KCNG1: variants seen among roughly 807,000 people sequenced by gnomAD.
KCNG1 encodes potassium voltage-gated channel modifier subfamily G member 1, also known as voltage-gated potassium channel regulatory subunit KCNG1.
A neutral mutation model predicts 32.4 loss-of-function variants in KCNG1; 17 were observed. The ratio of observed to expected loss-of-function variants is 0.52; its 90% CI spans 0.36 to 0.79. The LOEUF (loss-of-function observed/expected upper bound fraction) is 0.79, where lower values mean the gene tolerates loss of function less well. KCNG1 is among the 30% of genes least tolerant of loss of function. The probability of loss-of-function intolerance (pLI) is 0.00; values close to 1 mark genes in which losing one functional copy is unlikely to be tolerated. For missense variants in KCNG1, 441 were observed against 735.2 expected (o/e 0.60, Z 4.63); for synonymous variants, 358 against 339.9 (o/e 1.05, Z -0.59).
chr20:51,004,636 C>T lies in KCNG1; in HGVS notation c.945G>A (p.Thr315=). Residue 315 remains threonine (T), a synonymous_variant, in exon 3 of 3, where the codon ACG becomes ACA. Transcript: ENST00000371571. This position sits in a 1 kb window ranked among gnomAD's most constrained non-coding sequence, Gnocchi z 4.3. ...DLVAILPYYI[T]LLVDGAAAGR... ...CTGCGGCGGCGCCGTCCACCAGCAGCGTGATGTAGTAGGGCAGGATGGCCA... is the reference window on the plus strand; with the variant it reads ...CTGCGGCGGCGCCGTCCACCAGCAGTGTGATGTAGTAGGGCAGGATGGCCA... The T allele has an allele frequency of 6.3e-7, 1 of 1,598,142 alleles. No individual in the cohort carries two copies.
Position 51,004,886 on chromosome 20 carries a change from G to C in KCNG1, c.775-80C>G. 7.2e-7 allele frequency: 1 copy of C among 1,387,002 alleles called. No homozygotes were observed. Among genetic ancestry groups the C allele is most frequent in the East Asian group, 2.5e-5 (1 of 39,448 alleles). 85.9% of individuals were successfully genotyped at this position (1,387,002 alleles called of 1,614,324 possible). On this transcript the variant is annotated intron_variant, in intron 2 of 2. Transcript: ENST00000371571. This position sits in a 1 kb window ranked among gnomAD's most constrained non-coding sequence, Gnocchi z 4.3. ...GGGCAGAAGCTCTGCCCTGTGCCCT[G>C]CTGGGCTTCCCAGGCGGAAGGTGAC... is the stretch of plus-strand genomic sequence containing the variant.
chr20:51,005,057 T>G lies in KCNG1; in HGVS notation c.775-251A>C. ...CCTGAACTCCAGACCCCCAACAGGC[T>G]GCCTCCCTGACGCTCCCACCTGGGT... On this transcript the variant is annotated intron_variant, in intron 2 of 2. Coordinates refer to ENST00000371571, the MANE Select transcript of KCNG1 (RefSeq NM_002237.4). This position sits in a 1 kb window ranked among gnomAD's most constrained non-coding sequence, Gnocchi z 4.0. The G allele has an allele frequency of 2.5e-6, 1 of 393,222 alleles. No homozygotes were observed. The highest frequency in any genetic ancestry group is 4.1e-5 in the East Asian group (1 of 24,364). 24.4% of individuals were successfully genotyped at this position (393,222 alleles called of 1,614,324 possible).
chr20:51,015,584 C>T lies in KCNG1; in HGVS notation c.-26-5220G>A, dbSNP rs1601104330. ...GGGGGCCTCACCTGTGCCCTGTGCC[C>T]GGTAGCCACTGAAGCTGCATCACAT... On this transcript the variant is annotated intron_variant, in intron 1 of 2. Coordinates refer to ENST00000371571, the MANE Select transcript of KCNG1 (RefSeq NM_002237.4). The surrounding 1 kb of genome is among the most constrained non-coding windows in gnomAD (Gnocchi z 4.4). 1.3e-5 allele frequency among the ~76,000 whole-genome samples: 2 copies of T among 152,138 alleles called. No homozygotes were observed. Among genetic ancestry groups the T allele is most frequent in the South Asian group, 2.1e-4 (1 of 4,826 alleles).
intron 1 of KCNG1, among the ~76,000 whole-genome samples, chr20:51,021,765 T>C (rs1190835159): frequency 1.3e-5 from 2 of 152,136 alleles, no homozygotes; most frequent in East Asian, 3.9e-4. Context: ...CTTAAGAAAA[T>C]GCCTGCTGAA....
chr20:51,010,579 A>T (rs1370224685), intron 1 of KCNG1, among the ~76,000 whole-genome samples: 4 of 152,178 alleles, frequency 2.6e-5, no homozygotes, highest in African/African-American at 9.7e-5. Context: ...CGCCCCCACG[A>T]TGGGATTCGT....
chr20:51,018,735 A>G lies in KCNG1; in HGVS notation c.-27+4135T>C, dbSNP rs1487624682. ...AATACCCCCATTTTACAAATGAAGAAACTGAGGCTCTGAGAAGTGAAAACT... is the reference window on the plus strand; with the variant it reads ...AATACCCCCATTTTACAAATGAAGAGACTGAGGCTCTGAGAAGTGAAAACT... On this transcript the variant is annotated intron_variant, in intron 1 of 2. Coordinates refer to ENST00000371571, the MANE Select transcript of KCNG1 (RefSeq NM_002237.4). Among the ~76,000 whole-genome samples the G allele has an allele frequency of 5.3e-5, 8 of 152,308 alleles. No homozygotes were observed. The East Asian group carries it at 1.5e-3, about 29-fold the overall frequency.
Position 51,004,487 on chromosome 20 carries a change from G to A in KCNG1, c.1094C>T (p.Thr365Met), listed in dbSNP as rs1407070161. The change falls in exon 3 of 3, where the codon ACG becomes ATG. Residue 365 changes from threonine to methionine, a missense_variant. By Grantham distance (81) the Thr-to-Met change is moderately conservative (BLOSUM62 -1). Coordinates refer to ENST00000371571, the MANE Select transcript of KCNG1 (RefSeq NM_002237.4). This position sits in a 1 kb window ranked among gnomAD's most constrained non-coding sequence, Gnocchi z 4.3. Reference sequence around the variant, plus strand: ...GCAGCGGCGGGCCGTGAGCCCCAGCGTCTGCAGCCCCAGGGAGTGGCGCGC... The same window carrying A: ...GCAGCGGCGGGCCGTGAGCCCCAGCATCTGCAGCCCCAGGGAGTGGCGCGC... The part of the protein sequence containing the change: ...RLARHSLGLQ[T>M]LGLTARRCTR... 6.3e-7 allele frequency: 1 copy of A among 1,596,918 alleles called. No individual in the cohort carries two copies. Among genetic ancestry groups the A allele is most frequent in the Non-Finnish European group, 8.5e-7 (1 of 1,172,422 alleles).
chr20:51,015,284 G>T lies in KCNG1; in HGVS notation c.-26-4920C>A, dbSNP rs1455141556. ...AAAGAGAAGAATCAGGATTCCAGGG[G>T]TGCCATTTACCGAGGCGACGGATAG... On this transcript the variant is annotated intron_variant, in intron 1 of 2. Transcript: ENST00000371571. This position sits in a 1 kb window ranked among gnomAD's most constrained non-coding sequence, Gnocchi z 4.4. 1.3e-5 allele frequency among the ~76,000 whole-genome samples: 2 copies of T among 152,174 alleles called. No individual in the cohort carries two copies. The highest frequency in any genetic ancestry group is 4.8e-5 in the African/African-American group (2 of 41,432).
At position 51,004,233 on chromosome 20, in the gene KCNG1, G is replaced by A. The variant is rs2123200713; in HGVS notation, c.1348C>T (p.Leu450=). ...GAGGTGACTGGGAAGGCCATGAGCAGGATGCCGCTCAGGATGCTGCTCAGG... is the reference window on the plus strand; with the variant it reads ...GAGGTGACTGGGAAGGCCATGAGCAAGATGCCGCTCAGGATGCTGCTCAGG... ...VALSSILSGI[L]LMAFPVTSIF... Residue 450 remains leucine (L), a synonymous_variant, in exon 3 of 3, where the codon CTG becomes TTG. Coordinates refer to ENST00000371571, the MANE Select transcript of KCNG1 (RefSeq NM_002237.4). This position sits in a 1 kb window ranked among gnomAD's most constrained non-coding sequence, Gnocchi z 4.3. 3 of 1,614,128 alleles carry A rather than the reference G, an allele frequency of 1.9e-6. No individual in the cohort carries two copies. In the East Asian group the frequency reaches 6.7e-5, roughly 36 times the overall value.
chr20:51,017,813 C>A (rs552309769), intron 1 of KCNG1, among the ~76,000 whole-genome samples: 1 of 152,130 alleles, frequency 6.6e-6, no homozygotes, highest in Non-Finnish European at 1.5e-5. Flanking sequence ...CCCTGCCCAA[C>A]GTGTCAATCT....
chr20:51,007,492 TG>T (rs1987876726), intron 2 of KCNG1, among the ~76,000 whole-genome samples: 1 of 152,050 alleles, frequency 6.6e-6, no homozygotes, highest in Admixed American at 6.6e-5. Context: ...GGCCTAAAAT[TG>T]TTTTTTTTAA....
intron 1 of KCNG1, 90 bp from the exon 2 acceptor site, chr20:51,010,454 G>T: frequency 1.1e-6 from 1 of 917,874 alleles, no homozygotes; most frequent in Non-Finnish European, 1.6e-6. Flanking sequence ...CACTGTTAGG[G>T]ATGGAATCTT....
In KCNG1 at chr20:51,004,859, G is replaced by A. The variant is rs1323085475; in HGVS notation, c.775-53C>T. ...GGGGTCAGCGGGCCCTCCAGGAAAG[G>A]AGGGCAGAAGCTCTGCCCTGTGCCC... On this transcript the variant is annotated intron_variant, in intron 2 of 2. Coordinates refer to ENST00000371571, the MANE Select transcript of KCNG1 (RefSeq NM_002237.4). The surrounding 1 kb of genome is among the most constrained non-coding windows in gnomAD (Gnocchi z 4.3). 4 of 1,466,774 alleles carry A rather than the reference G, an allele frequency of 2.7e-6. No homozygotes were observed. The highest frequency in any genetic ancestry group is 9.1e-7 in the Non-Finnish European group (1 of 1,101,924). 90.9% of individuals were successfully genotyped at this position (1,466,774 alleles called of 1,614,324 possible). A position where few individuals can be genotyped will look rare whatever the true frequency, so the allele number is the denominator to read the frequency against.
At chr20:51,021,327 GGCTCCAAAA>G (rs536223658) in intron 1 of KCNG1, among the ~76,000 whole-genome samples, 55 of 152,286 alleles carry the variant, frequency 3.6e-4, no homozygotes, top group African/African-American at 1.3e-3. Flanking sequence ...GACTCTGCAG[GGCTCCAAAA>G]GCCGGGGGAG....
chr20:51,020,247 A>C (rs572165141), intron 1 of KCNG1, among the ~76,000 whole-genome samples: 13 of 152,182 alleles, frequency 8.5e-5, no homozygotes, highest in Non-Finnish European at 1.8e-4. Flanking sequence ...TGGAGCCAGA[A>C]GATCCTTTTC....
rs749591990 is a variant in KCNG1 at position 51,009,552 on chromosome 20, C to G, written c.774+13G>C. ...CGTGGTGGCGCGTTTCCCCGCGGGG[C>G]GTGGGCTCTTACCTGCTCCTCCTCC... On this transcript the variant is annotated intron_variant, in intron 2 of 2. Transcript: ENST00000371571. The G allele has an allele frequency of 1.9e-6, 3 of 1,581,252 alleles. No individual in the cohort carries two copies. Among genetic ancestry groups the G allele is most frequent in the African/African-American group, 2.7e-5 (2 of 74,258 alleles).
At chr20:51,010,891 T>C (rs7264989) in intron 1 of KCNG1, among the ~76,000 whole-genome samples, 30,736 of 146,408 alleles carry the variant, frequency 0.21, 6,400 homozygotes, top group African/African-American at 0.54. Context: ...CAAGACTCCA[T>C]CTCAAAAAAT....
In KCNG1 at chr20:51,015,468, G is replaced by A. The variant is rs1387089451; in HGVS notation, c.-26-5104C>T. On this transcript the variant is annotated intron_variant, in intron 1 of 2. Transcript: ENST00000371571. This position sits in a 1 kb window ranked among gnomAD's most constrained non-coding sequence, Gnocchi z 4.4. ...CTGAGCTGATGGGTGTGTGTTTGCGGGGGGTGAGGGTGTCACCTGGCAGCT... is the reference window on the plus strand; with the variant it reads ...CTGAGCTGATGGGTGTGTGTTTGCGAGGGGTGAGGGTGTCACCTGGCAGCT... 6.6e-6 allele frequency among the ~76,000 whole-genome samples: 1 copy of A among 152,180 alleles called. No homozygotes were observed. Among genetic ancestry groups the A allele is most frequent in the African/African-American group, 2.4e-5 (1 of 41,426 alleles).
intron 1 of KCNG1, among the ~76,000 whole-genome samples, chr20:51,021,987 A>G (rs74721589): frequency 0.037 from 5,604 of 152,160 alleles, 137 homozygotes; most frequent in Middle Eastern, 0.086. Context: ...TTCTGCCTAT[A>G]TACATGGGCT....
Sources: gnomAD v4.1 joint callset for allele counts (sites outside exome capture counted in the v4.1 genomes callset) on GRCh38, gnomAD v4.1.1 for gene constraint, Gnocchi (gnomAD v3.1) non-coding constraint, MANE v1.5 for transcripts, NCBI Gene and HGNC (gene_info 2026-07-23, HGNC 2026-07-21) for gene names.